KLF8: variants seen among roughly 807,000 people sequenced by gnomAD.
The protein encoded by KLF8 is KLF transcription factor 8.
A neutral mutation model predicts 18.2 loss-of-function variants in KLF8; 10 were observed. That is an observed-to-expected ratio of 0.55 (90% CI 0.34 to 0.93). KLF8 has a LOEUF of 0.93. Ranked by LOEUF, KLF8 falls within the 40% of genes least tolerant of loss-of-function variation. The pLI is 0.02. For missense variants in KLF8, 264 were observed against 277.9 expected, an observed-to-expected ratio of 0.95 and a Z score of 0.36; for synonymous variants, 109 against 97.3, an observed-to-expected ratio of 1.12 and a Z score of -0.71.
chrX:56,239,021 G>A (rs770575754), intron 1 of KLF8, among the ~76,000 whole-genome samples: 73 of 111,459 alleles, frequency 6.5e-4, no homozygotes, highest in African/African-American at 2.1e-3. Flanking sequence ...CTTGACTGTC[G>A]TAGTTCTTCA....
the KLF8 span, among the ~76,000 whole-genome samples, chrX:56,165,834 C>T: frequency 9.4e-6 from 1 of 105,904 alleles, no homozygotes; most frequent in Admixed American, 1.0e-4. Context: ...GAACTCCAGG[C>T]TGGGTGACAG....
At chrX:56,011,433 G>A in the KLF8 span, among the ~76,000 whole-genome samples, 1 of 111,740 alleles carries the variant, frequency 8.9e-6, no homozygotes, top group South Asian at 3.7e-4. Context: ...TATGAACAAA[G>A]AATGTACTAG....
the KLF8 span, among the ~76,000 whole-genome samples, chrX:56,011,682 GA>G: frequency 3.6e-5 from 4 of 110,824 alleles, no homozygotes; most frequent in African/African-American, 9.8e-5. Context: ...GCAGTTTCTT[GA>G]AAAAATTTAA....
At chrX:56,080,705 G>T in the KLF8 span, among the ~76,000 whole-genome samples, 1 of 111,561 alleles carries the variant, frequency 9.0e-6, no homozygotes, top group Admixed American at 9.5e-5. Flanking sequence ...TGCCTTGCTA[G>T]ATTGGGGAAA....
At chrX:56,027,726 C>T in the KLF8 span, among the ~76,000 whole-genome samples, 1 of 112,347 alleles carries the variant, frequency 8.9e-6, no homozygotes, top group Non-Finnish European at 1.9e-5. Flanking sequence ...TGGCTGGTCT[C>T]GAAGATCCGG....
At chrX:56,024,435 T>C in the KLF8 span, among the ~76,000 whole-genome samples, 1 of 111,478 alleles carries the variant, frequency 9.0e-6, no homozygotes, top group Non-Finnish European at 1.9e-5. Context: ...CTGGAACTCC[T>C]GGCCTCAAGT....
chrX:56,149,198 T>C, the KLF8 span, among the ~76,000 whole-genome samples: 1 of 111,536 alleles, frequency 9.0e-6, no homozygotes, highest in African/African-American at 3.3e-5. Context: ...AATATCTGAA[T>C]AGTGACACCT....
the KLF8 span, among the ~76,000 whole-genome samples, chrX:55,977,056 C>A: frequency 8.9e-6 from 1 of 111,987 alleles, no homozygotes; most frequent in African/African-American, 3.2e-5. Flanking sequence ...GATAGGTCAT[C>A]TGCCAACAGA....
the KLF8 span, among the ~76,000 whole-genome samples, chrX:56,028,678 T>C: frequency 2.7e-5 from 3 of 111,513 alleles, no homozygotes; most frequent in African/African-American, 9.8e-5. Flanking sequence ...GCGGGAATTT[T>C]TGAACCCTTG....
At chrX:56,275,451 G>A (rs2067108345) in intron 5 of KLF8, among the ~76,000 whole-genome samples, 1 of 111,172 alleles carries the variant, frequency 9.0e-6, no homozygotes, top group Admixed American at 9.6e-5. Flanking sequence ...TGCAAACAAG[G>A]ATAATTTGTC....
the KLF8 span, among the ~76,000 whole-genome samples, chrX:56,067,932 G>A: frequency 6.2e-5 from 7 of 112,451 alleles, no homozygotes; most frequent in South Asian, 2.6e-3. Context: ...GCTGGAAGAG[G>A]CTCAGCACCA....
intron 2 of KLF8, among the ~76,000 whole-genome samples, chrX:56,250,939 C>A (rs1187170477): frequency 8.9e-6 from 1 of 112,158 alleles, no homozygotes; most frequent in Non-Finnish European, 1.9e-5. Flanking sequence ...AGGTCTTCAA[C>A]TGATTGGTTG....
chrX:55,953,536 T>A, the KLF8 span, among the ~76,000 whole-genome samples: 8 of 110,763 alleles, frequency 7.2e-5, no homozygotes, highest in Non-Finnish European at 1.5e-4. Context: ...AACAAACTTG[T>A]AAAGAATTTA....
At chrX:56,127,005 G>A in the KLF8 span, among the ~76,000 whole-genome samples, 1 of 108,792 alleles carries the variant, frequency 9.2e-6, no homozygotes, top group African/African-American at 3.4e-5. Context: ...TACCCGCCTC[G>A]GCCTCCCAAA....
At chrX:56,106,597 T>C in the KLF8 span, among the ~76,000 whole-genome samples, 1 of 112,129 alleles carries the variant, frequency 8.9e-6, no homozygotes, top group Non-Finnish European at 1.9e-5. Flanking sequence ...CTGTTTATTC[T>C]AGTTAGCCGT....
At chrX:56,149,425 C>T in the KLF8 span, among the ~76,000 whole-genome samples, 1 of 110,373 alleles carries the variant, frequency 9.1e-6, no homozygotes, top group African/African-American at 3.3e-5. Context: ...ACACTGAAGA[C>T]TACTAGAAAG....
At chrX:56,035,584 A>T in the KLF8 span, among the ~76,000 whole-genome samples, 1 of 112,296 alleles carries the variant, frequency 8.9e-6, no homozygotes, top group Admixed American at 9.4e-5. Context: ...TCTTACCAAG[A>T]TTGTATAAGA....
chrX:56,144,644 T>A, the KLF8 span, among the ~76,000 whole-genome samples: 1 of 103,258 alleles, frequency 9.7e-6, no homozygotes, highest in Non-Finnish European at 2.0e-5. Flanking sequence ...TCCCAGCTAC[T>A]CACGAGGCTG....
the KLF8 span, among the ~76,000 whole-genome samples, chrX:55,910,765 A>G: frequency 2.7e-5 from 3 of 112,770 alleles, no homozygotes; most frequent in Non-Finnish European, 3.8e-5. Flanking sequence ...ATCAAGATGG[A>G]TTGTATTTTT....
Sources: allele counts gnomAD v4.1 joint callset (sites outside exome capture counted in the v4.1 genomes callset), GRCh38; gene constraint gnomAD v4.1.1; transcripts MANE v1.5; gene names NCBI Gene and HGNC (gene_info 2026-07-23, HGNC 2026-07-21).